The following TENM1 variants were observed in gnomAD, a reference collection of about 807,000 sequenced individuals.
TENM1 encodes teneurin-1.
In TENM1, 35 loss-of-function variants were observed where a neutral mutation model predicts 174.8. That is an observed-to-expected ratio of 0.20 (90% CI 0.15 to 0.27). The LOEUF (loss-of-function observed/expected upper bound fraction) is 0.27. TENM1 is among the 10% of genes least tolerant of loss of function. The pLI is 1.00. For missense variants in TENM1, 1,633 were observed against 2,130.1 expected (o/e 0.77, Z 4.59); for synonymous variants, 781 against 798.7 (o/e 0.98, Z 0.37).
intron 3 of TENM1, among the ~76,000 whole-genome samples, chrX:124,762,217 A>G (rs1228158962): frequency 8.9e-6 from 1 of 111,959 alleles, no homozygotes; most frequent in Non-Finnish European, 1.9e-5. Context: ...TCTAAACCTA[A>G]TCATCCCCCA....
the TENM1 span, among the ~76,000 whole-genome samples, chrX:125,065,159 A>T: frequency 8.9e-6 from 1 of 112,315 alleles, no homozygotes; most frequent in Non-Finnish European, 1.9e-5. Context: ...GGAATGGTCC[A>T]GTCAAAGCAA....
the TENM1 span, among the ~76,000 whole-genome samples, chrX:125,152,859 A>T: frequency 8.9e-6 from 1 of 112,136 alleles, no homozygotes; most frequent in Non-Finnish European, 1.9e-5. Context: ...TTTAAATCCC[A>T]AACATCCAAT....
intron 11 of TENM1, among the ~76,000 whole-genome samples, chrX:124,608,033 A>G (rs1303740865): frequency 4.5e-5 from 5 of 111,281 alleles, no homozygotes; most frequent in African/African-American, 1.6e-4. Flanking sequence ...AAGAGTGGCA[A>G]GTATAAGGAG....
the TENM1 span, among the ~76,000 whole-genome samples, chrX:125,151,666 GATAT>G: frequency 8.9e-6 from 1 of 112,055 alleles, no homozygotes; most frequent in Admixed American, 9.5e-5. Context: ...CCAGGTCCTA[GATAT>G]TCTAAGCCAG....
At chrX:124,559,608 C>A (rs775046417) in intron 14 of TENM1, among the ~76,000 whole-genome samples, 1 of 110,336 alleles carries the variant, frequency 9.1e-6, no homozygotes, top group South Asian at 4.0e-4. Flanking sequence ...GCAGAGGTTG[C>A]AGTGAGCTGA....
At chrX:124,970,548 C>T in the TENM1 span, among the ~76,000 whole-genome samples, 5 of 112,461 alleles carry the variant, frequency 4.4e-5, no homozygotes, top group Non-Finnish European at 9.4e-5. Flanking sequence ...ACTGATTCTC[C>T]TCTTAACTTT....
At chrX:125,106,655 C>T in the TENM1 span, among the ~76,000 whole-genome samples, 1 of 111,760 alleles carries the variant, frequency 8.9e-6, no homozygotes, top group Non-Finnish European at 1.9e-5. Flanking sequence ...GTGATCCACC[C>T]ACCTCAGCCT....
At chrX:124,735,946 G>A (rs1048158775) in intron 4 of TENM1, among the ~76,000 whole-genome samples, 28 of 111,317 alleles carry the variant, frequency 2.5e-4, no homozygotes, top group African/African-American at 7.2e-4. Flanking sequence ...GAGGATGGGC[G>A]GGGAGTGAGG....
At chrX:124,438,341 A>C (rs1443751420) in intron 23 of TENM1, among the ~76,000 whole-genome samples, 2 of 109,959 alleles carry the variant, frequency 1.8e-5, no homozygotes, top group Non-Finnish European at 3.8e-5. Context: ...AGTATCTTAG[A>C]TATTTCTGTA....
chrX:124,712,151 TAGA>T (rs778121668), intron 4 of TENM1, among the ~76,000 whole-genome samples: 2 of 112,369 alleles, frequency 1.8e-5, no homozygotes, highest in East Asian at 5.6e-4. Context: ...TCTGTAAACA[TAGA>T]AGGTGTGCAA....
At chrX:124,441,485 T>G (rs866689409) in intron 23 of TENM1, among the ~76,000 whole-genome samples, 15 of 112,239 alleles carry the variant, frequency 1.3e-4, no homozygotes, top group African/African-American at 4.2e-4. Flanking sequence ...CTGCTATGGT[T>G]GATGTAGATT....
chrX:124,720,594 G>A lies in TENM1; in HGVS notation c.777-15343C>T, dbSNP rs779052310. 8.0e-5 allele frequency among the ~76,000 whole-genome samples: 9 copies of A among 112,095 alleles called. No individual in the cohort carries two copies. In the South Asian group the frequency reaches 2.3e-3, roughly 28 times the overall value. On this transcript the variant is annotated intron_variant, in intron 4 of 31. Coordinates refer to ENST00000422452, the Ensembl canonical transcript of TENM1. Reference sequence around the variant, plus strand: ...GTTCTCCTAAGGCTGTGTCACCAGCGCATCCTTGACCTTGGCAAAATAAAC... The same window carrying A: ...GTTCTCCTAAGGCTGTGTCACCAGCACATCCTTGACCTTGGCAAAATAAAC...
intron 16 of TENM1, among the ~76,000 whole-genome samples, chrX:124,526,234 T>C (rs1250349559): frequency 8.9e-6 from 1 of 111,848 alleles, no homozygotes. Context: ...GAAGAAGAAA[T>C]TCGGCCTTAA....
intron 3 of TENM1, among the ~76,000 whole-genome samples, chrX:124,746,632 C>A (rs773552579): frequency 8.9e-6 from 1 of 111,845 alleles, no homozygotes; most frequent in South Asian, 3.7e-4. Flanking sequence ...GGATGAACAT[C>A]ACCCAGAATA....
At chrX:124,512,357 C>T (rs1219012852) in intron 18 of TENM1, among the ~76,000 whole-genome samples, 1 of 110,993 alleles carries the variant, frequency 9.0e-6, no homozygotes, top group Non-Finnish European at 1.9e-5. Context: ...TTCCAGACAT[C>T]GTACTTTATT....
intron 8 of TENM1, 35 bp from the exon 12 acceptor site, chrX:124,646,845 C>T (rs1301224612): frequency 7.1e-6 from 7 of 985,788 alleles, no homozygotes; most frequent in Admixed American, 2.3e-5. Flanking sequence ...AAAAAATGAA[C>T]GCATCTCCAG....
chrX:124,542,847 A>G (rs1281057658), intron 15 of TENM1, among the ~76,000 whole-genome samples: 1 of 111,658 alleles, frequency 9.0e-6, no homozygotes, highest in East Asian at 2.8e-4. Context: ...AAGGGGAGAA[A>G]TATTGTTCCA....
At chrX:124,747,066 C>T (rs1228292056) in intron 3 of TENM1, among the ~76,000 whole-genome samples, 4 of 109,400 alleles carry the variant, frequency 3.7e-5, no homozygotes, top group Non-Finnish European at 5.7e-5. Context: ...GCAGGAGAAT[C>T]GCTTGAACCT....
intron 3 of TENM1, among the ~76,000 whole-genome samples, chrX:124,829,527 G>A (rs1363117832): frequency 9.0e-6 from 1 of 111,599 alleles, no homozygotes; most frequent in South Asian, 3.8e-4. Context: ...TTTAATATTC[G>A]TTGGGAGTAC....
Sources: allele counts gnomAD v4.1 joint callset (sites outside exome capture counted in the v4.1 genomes callset), GRCh38; gene constraint gnomAD v4.1.1; transcripts MANE v1.5; gene names NCBI Gene and HGNC (gene_info 2026-07-23, HGNC 2026-07-21).